Variants in EXT1 observed in about 807,000 individuals in gnomAD.
EXT1 encodes exostosin glycosyltransferase 1, also known as exostosin-1.
Under a neutral mutation model 82.5 loss-of-function variants are expected in EXT1, and 20 were observed. The observed-to-expected ratio is 0.24, with a 90% CI of 0.17 to 0.35. The LOEUF is 0.35. Ranked by LOEUF, EXT1 falls within the 10% of genes least tolerant of loss-of-function variation. EXT1 has a pLI of 1.00. For synonymous variants in EXT1, 348 were observed against 350.8 expected (o/e 0.99, Z 0.09); for missense variants, 757 against 936.5 (o/e 0.81, Z 2.50).
At chr8:118,003,499 C>T (rs1295907190) in intron 1 of EXT1, among the ~76,000 whole-genome samples, 2 of 152,040 alleles carry the variant, frequency 1.3e-5, no homozygotes, top group Admixed American at 6.6e-5. Flanking sequence ...TTCTTTAAGT[C>T]AAGATCCAAA....
Position 117,799,500 on chromosome 8 carries a change from A to C in EXT1, c.*212T>G. The C allele has an allele frequency of 1.7e-6, 1 of 595,724 alleles. No homozygotes were observed. The highest frequency in any genetic ancestry group is 3.0e-6 in the Non-Finnish European group (1 of 334,432). The allele number at this position is 595,724 out of a possible 1,614,324, so 36.9% of individuals were successfully genotyped here. Reference sequence around the variant, plus strand: ...ACACAACCTAGTCTTGGGACACAGAAGCCAGTGAGGTGAGTTTGGAGCAGT... The same window carrying C: ...ACACAACCTAGTCTTGGGACACAGACGCCAGTGAGGTGAGTTTGGAGCAGT... On this transcript the variant is annotated 3_prime_UTR_variant, in exon 11 of 11. Transcript: ENST00000378204.
chr8:118,006,875 C>A (rs963917449), intron 1 of EXT1, among the ~76,000 whole-genome samples: 3 of 152,188 alleles, frequency 2.0e-5, no homozygotes, highest in African/African-American at 7.2e-5. Flanking sequence ...CTCTGGAGGA[C>A]CGTGGCCATG....
intron 1 of EXT1, among the ~76,000 whole-genome samples, chr8:118,042,424 A>G (rs1816549868): frequency 6.6e-6 from 1 of 152,060 alleles, no homozygotes; most frequent in South Asian, 2.1e-4. Flanking sequence ...CCTCCTGAGT[A>G]GCTGCGATTA....
intron 1 of EXT1, among the ~76,000 whole-genome samples, chr8:118,086,971 T>G (rs1309464755): frequency 1.3e-5 from 2 of 152,176 alleles, no homozygotes; most frequent in Non-Finnish European, 2.9e-5. Flanking sequence ...CTCTGCAACA[T>G]CACACAACCA....
chr8:118,003,615 G>A lies in EXT1; in HGVS notation c.962+106470C>T, dbSNP rs372673711. ...ATTTCAAACTCAAAAAATATTCATA[G>A]GTTTTTTATTTAATTTCATTGCTAT... On this transcript the variant is annotated intron_variant, in intron 1 of 10. Transcript: ENST00000378204. Among the ~76,000 whole-genome samples, 300 of 152,064 alleles carry A rather than the reference G, an allele frequency of 2.0e-3. 1 individual carries two copies. Among genetic ancestry groups the A allele is most frequent in the African/African-American group, 6.8e-3 (282 of 41,490 alleles).
At chr8:117,993,239 A>C (rs1016458509) in intron 1 of EXT1, among the ~76,000 whole-genome samples, 2 of 152,234 alleles carry the variant, frequency 1.3e-5, no homozygotes, top group African/African-American at 4.8e-5. Context: ...CAAGTTTTAA[A>C]AAAAAAGGAG....
At chr8:117,969,733 G>A (rs1307669465) in intron 1 of EXT1, among the ~76,000 whole-genome samples, 1 of 152,168 alleles carries the variant, frequency 6.6e-6, no homozygotes, top group Admixed American at 6.5e-5. Flanking sequence ...ATGCACACAT[G>A]GTGTGGTTGA....
intron 1 of EXT1, among the ~76,000 whole-genome samples, chr8:118,016,010 T>C (rs575443077): frequency 1.3e-5 from 2 of 152,320 alleles, no homozygotes; most frequent in African/African-American, 2.4e-5. Flanking sequence ...AGGAAACCTA[T>C]AGGCTTCCAA....
intron 1 of EXT1, among the ~76,000 whole-genome samples, chr8:118,062,665 C>A (rs945108612): frequency 6.6e-6 from 1 of 152,080 alleles, no homozygotes; most frequent in African/African-American, 2.4e-5. Context: ...TAATTAGGGT[C>A]AGTTTAGAAA....
intron 1 of EXT1, among the ~76,000 whole-genome samples, chr8:117,902,762 C>T (rs1376226969): frequency 6.6e-6 from 1 of 152,148 alleles, no homozygotes; most frequent in African/African-American, 2.4e-5. Context: ...ATTTTTTTCA[C>T]TTTCTCCTCT....
chr8:117,913,189 C>G (rs181631541), intron 1 of EXT1, among the ~76,000 whole-genome samples: 2 of 152,134 alleles, frequency 1.3e-5, no homozygotes, highest in East Asian at 1.9e-4. Flanking sequence ...ACCACTACCC[C>G]CAAGCCTGGG....
Position 118,110,176 on chromosome 8 carries a change from C to T in EXT1, c.871G>A (p.Asp291Asn), listed in dbSNP as rs1423177713. 1.2e-6 allele frequency: 2 copies of T among 1,614,054 alleles called. No homozygotes were observed. Among genetic ancestry groups the T allele is most frequent in the African/African-American group, 1.3e-5 (1 of 74,918 alleles). ...NALYHVHNGE[D>N]VVLLTTCKHG... The stretch of plus-strand genomic sequence containing the variant: ...TTGCAGGTGGTGAGGAGCACAACGT[C>T]CTCCCCGTTATGGACGTGATATAAG... The change falls in exon 1 of 11, where the codon GAC (aspartate) becomes AAC (asparagine). Residue 291 changes from aspartate (D) to asparagine (N), a missense_variant. Asp to Asn is a conservative substitution (Grantham distance 23). This residue lies in a region of EXT1 where 247 missense variants were observed against 330.1 expected (regional missense o/e 0.75). Coordinates refer to ENST00000378204, the MANE Select transcript of EXT1 (RefSeq NM_000127.3).
chr8:117,971,474 AG>A (rs780241496), intron 1 of EXT1, among the ~76,000 whole-genome samples: 10 of 152,222 alleles, frequency 6.6e-5, no homozygotes, highest in Non-Finnish European at 1.5e-4. Context: ...AGAAACTTAC[AG>A]GAAGAAAAAA....
chr8:117,891,801 C>T (rs962045644), intron 1 of EXT1, among the ~76,000 whole-genome samples: 2 of 127,826 alleles, frequency 1.6e-5, no homozygotes, highest in Non-Finnish European at 3.3e-5. Context: ...TTTCTTTTTT[C>T]TTGCTTTTTT....
At chr8:118,062,388 C>T (rs754147757) in intron 1 of EXT1, among the ~76,000 whole-genome samples, 2 of 152,160 alleles carry the variant, frequency 1.3e-5, no homozygotes, top group Non-Finnish European at 2.9e-5. Flanking sequence ...ATGCTGTGCA[C>T]TTCACGCTAT....
chr8:117,840,280 C>T lies in EXT1; in HGVS notation c.963-3079G>A, dbSNP rs369647676. ...CAGTCAGGAAGGCTGGGCTCTCCAT[C>T]CCCCCAGGTCCCATCAAGAAAGTGA... On this transcript the variant is annotated intron_variant, in intron 1 of 10. Transcript: ENST00000378204. Among the ~76,000 whole-genome samples the T allele has an allele frequency of 5.9e-5, 9 of 151,956 alleles. No homozygotes were observed. The East Asian group carries it at 1.4e-3, about 23-fold the overall frequency.
At chr8:118,076,467 C>G (rs1035095136) in intron 1 of EXT1, among the ~76,000 whole-genome samples, 2 of 152,254 alleles carry the variant, frequency 1.3e-5, no homozygotes, top group Non-Finnish European at 2.9e-5. Context: ...TATATTTCCA[C>G]TATCACGCAG....
chr8:117,904,526 A>C (rs1342671186), intron 1 of EXT1, among the ~76,000 whole-genome samples: 18 of 152,204 alleles, frequency 1.2e-4, no homozygotes, highest in Admixed American at 1.2e-3. Flanking sequence ...TGTTCTTTAA[A>C]ATATCATAGG....
At chr8:117,917,152 G>C (rs1385983772) in intron 1 of EXT1, among the ~76,000 whole-genome samples, 1 of 152,092 alleles carries the variant, frequency 6.6e-6, no homozygotes, top group South Asian at 2.1e-4. Context: ...TTCATAAATA[G>C]CTTCTTACAA....
Sources: gnomAD v4.1 joint callset for allele counts (sites outside exome capture counted in the v4.1 genomes callset) on GRCh38, gnomAD v4.1.1 for gene constraint, gnomAD v4.1.1 regional missense constraint, MANE v1.5 for transcripts, NCBI Gene and HGNC (gene_info 2026-07-23, HGNC 2026-07-21) for gene names.